Variants in SLC44A5 observed in about 807,000 individuals in gnomAD.
The protein encoded by SLC44A5 is choline transporter-like protein 5.
SLC44A5 carries 57 observed loss-of-function variants against 101.8 expected under a neutral mutation model. The observed-to-expected ratio is 0.56, with a 90% CI of 0.45 to 0.70. SLC44A5 has a LOEUF of 0.70. Among genes scored for constraint, SLC44A5 ranks in the 30% least tolerant of loss-of-function variants. The pLI, the probability that SLC44A5 is intolerant of heterozygous loss-of-function variation, is 0.00. For missense variants in SLC44A5, 737 were observed against 853.1 expected, an observed-to-expected ratio of 0.86 and a Z score of 1.70; for synonymous variants, 281 against 290.9, an observed-to-expected ratio of 0.97 and a Z score of 0.35.
intron 3 of SLC44A5, among the ~76,000 whole-genome samples, chr1:75,385,597 A>G (rs527301506): frequency 6.6e-6 from 1 of 152,340 alleles, no homozygotes; most frequent in African/African-American, 2.4e-5. Flanking sequence ...ATCCAGGACC[A>G]GATGGATTCA....
intron 3 of SLC44A5, among the ~76,000 whole-genome samples, chr1:75,344,225 A>T (rs1160671672): frequency 6.6e-6 from 1 of 152,170 alleles, no homozygotes; most frequent in African/African-American, 2.4e-5. Flanking sequence ...AGTGAATTCC[A>T]CCCACTTTGA....
chr1:75,702,728 C>T, the SLC44A5 span, among the ~76,000 whole-genome samples: 160 of 152,274 alleles, frequency 1.1e-3, 1 homozygote, highest in African/African-American at 3.8e-3. Context: ...AGGCCACCTA[C>T]AGAATGGGAG....
At chr1:75,629,054 T>A in the SLC44A5 span, among the ~76,000 whole-genome samples, 5 of 152,098 alleles carry the variant, frequency 3.3e-5, no homozygotes, top group African/African-American at 1.2e-4. Context: ...CACCCATAGT[T>A]AATTATCTCC....
intron 1 of SLC44A5, chr1:75,582,614 C>T: frequency 6.8e-6 from 2 of 293,944 alleles, no homozygotes; most frequent in East Asian, 7.4e-5. Flanking sequence ...ACCCGCCCTG[C>T]ACTGCCGTCT....
chr1:75,227,922 C>T, intron 12 of SLC44A5, 65 bp from the exon 13 acceptor site: 1 of 1,302,194 alleles, frequency 7.7e-7, no homozygotes, highest in Non-Finnish European at 1.1e-6. Flanking sequence ...GCTATATGTG[C>T]TCATCATACA....
At chr1:75,464,372 G>A (rs548486939) in intron 2 of SLC44A5, among the ~76,000 whole-genome samples, 26 of 151,920 alleles carry the variant, frequency 1.7e-4, no homozygotes, top group African/African-American at 6.3e-4. Context: ...TTATAAGATA[G>A]TATTTGCAAG....
At chr1:75,436,106 C>T (rs1235441345) in intron 2 of SLC44A5, among the ~76,000 whole-genome samples, 2 of 152,090 alleles carry the variant, frequency 1.3e-5, no homozygotes, top group African/African-American at 4.8e-5. Context: ...TATAAAGTAT[C>T]TACTTATCAT....
At position 75,457,255 on chromosome 1, in the gene SLC44A5, T is replaced by C. The variant is rs533811426; in HGVS notation, c.14-60634A>G. 2.2e-4 allele frequency among the ~76,000 whole-genome samples: 34 copies of C among 152,278 alleles called. No homozygotes were observed. In the East Asian group the frequency reaches 5.0e-3, roughly 22 times the overall value. Reference sequence around the variant, plus strand: ...GCCTACCGTATGCTTGGGACAGTGATAGACACCAGAAGTCCCAAGTGGAGG... The same window carrying C: ...GCCTACCGTATGCTTGGGACAGTGACAGACACCAGAAGTCCCAAGTGGAGG... On this transcript the variant is annotated intron_variant, in intron 2 of 23. Transcript: ENST00000370859.
At chr1:75,447,222 G>C (rs996505711) in intron 2 of SLC44A5, among the ~76,000 whole-genome samples, 8 of 152,100 alleles carry the variant, frequency 5.3e-5, no homozygotes, top group Non-Finnish European at 7.4e-5. Context: ...GAAGTGTTGG[G>C]AGAGAAGGTA....
intron 2 of SLC44A5, among the ~76,000 whole-genome samples, chr1:75,494,529 G>C (rs1307106468): frequency 6.6e-6 from 1 of 152,084 alleles, no homozygotes; most frequent in African/African-American, 2.4e-5. Context: ...ATTTAAACAG[G>C]CATGTGGCAT....
intron 13 of SLC44A5, among the ~76,000 whole-genome samples, chr1:75,224,265 G>A (rs1161011488): frequency 6.6e-6 from 1 of 152,096 alleles, no homozygotes; most frequent in East Asian, 1.9e-4. Flanking sequence ...CATACAAGTA[G>A]GTATAGCATA....
At chr1:75,290,671 G>A (rs80304944) in intron 5 of SLC44A5, among the ~76,000 whole-genome samples, 1 of 152,102 alleles carries the variant, frequency 6.6e-6, no homozygotes, top group Non-Finnish European at 1.5e-5. Context: ...GAGGACAAGA[G>A]AGCCACTTGC....
intron 1 of SLC44A5, among the ~76,000 whole-genome samples, chr1:75,559,190 T>C (rs538395788): frequency 2.0e-5 from 3 of 152,152 alleles, no homozygotes; most frequent in Non-Finnish European, 1.5e-5. Flanking sequence ...TATATATATA[T>C]ATAAACAGTT....
chr1:75,417,018 TGGGGAACTGTTGGGA>T (rs1390985749), intron 2 of SLC44A5, among the ~76,000 whole-genome samples: 1 of 152,154 alleles, frequency 6.6e-6, no homozygotes, highest in African/African-American at 2.4e-5. Flanking sequence ...GTTGAGACCT[TGGGGAACTGTTGGGA>T]GGGCATGATT....
the SLC44A5 span, among the ~76,000 whole-genome samples, chr1:75,654,107 T>C: frequency 6.6e-6 from 1 of 152,228 alleles, no homozygotes; most frequent in African/African-American, 2.4e-5. Flanking sequence ...TTATATTTTC[T>C]TTTGCCAAAT....
At chr1:75,228,872 ATTAG>A (rs1354630538) in intron 12 of SLC44A5, among the ~76,000 whole-genome samples, 2 of 151,732 alleles carry the variant, frequency 1.3e-5, no homozygotes, top group African/African-American at 2.4e-5. Flanking sequence ...TTTTAAATAA[ATTAG>A]TTAGCATGTA....
chr1:75,314,552 C>A (rs1280222924), intron 4 of SLC44A5, among the ~76,000 whole-genome samples: 1 of 152,056 alleles, frequency 6.6e-6, no homozygotes, highest in Non-Finnish European at 1.5e-5. Flanking sequence ...GTGGCAATAA[C>A]AATAGGTGAG....
chr1:75,242,180 T>G (rs1648693487), intron 8 of SLC44A5, 119 bp from the exon 9 acceptor site: 1 of 651,510 alleles, frequency 1.5e-6, no homozygotes, highest in Non-Finnish European at 2.6e-6. Context: ...TTCAAATTAC[T>G]TCTACTAATA....
intron 9 of SLC44A5, among the ~76,000 whole-genome samples, chr1:75,241,061 A>G (rs1000178119): frequency 9.6e-6 from 1 of 104,018 alleles, no homozygotes; most frequent in Non-Finnish European, 2.0e-5. Context: ...CATTTAGTGA[A>G]TACATTATAA....
Sources: gnomAD v4.1 joint callset for allele counts (sites outside exome capture counted in the v4.1 genomes callset) on GRCh38, gnomAD v4.1.1 for gene constraint, MANE v1.5 for transcripts, NCBI Gene and HGNC (gene_info 2026-07-23, HGNC 2026-07-21) for gene names.